Variants in THRB observed in about 807,000 individuals in gnomAD.
The protein encoded by THRB is thyroid hormone receptor beta, also known as nuclear receptor subfamily 1 group A member 2.
Under a neutral mutation model 47.8 loss-of-function variants are expected in THRB, and 12 were observed. That is an observed-to-expected ratio of 0.25 (90% CI 0.16 to 0.41). The LOEUF (loss-of-function observed/expected upper bound fraction) is 0.41. THRB is among the 10% of genes least tolerant of loss of function. The pLI, the probability that THRB is intolerant of heterozygous loss-of-function variation, is 1.00. For missense variants in THRB, 348 were observed against 589.2 expected (o/e 0.59, Z 4.24); for synonymous variants, 218 against 212.2 (o/e 1.03, Z -0.24).
chr3:24,232,955 C>A (rs1003136309), intron 3 of THRB, among the ~76,000 whole-genome samples: 3 of 152,140 alleles, frequency 2.0e-5, no homozygotes, highest in Non-Finnish European at 4.4e-5. Flanking sequence ...TGGGAAGGAA[C>A]AGCTAAAAAT....
chr3:24,279,561 A>ATTTTT (rs35249696), intron 3 of THRB, among the ~76,000 whole-genome samples: 1 of 141,102 alleles, frequency 7.1e-6, no homozygotes, highest in Non-Finnish European at 1.5e-5. Flanking sequence ...ATTTTTTTGT[A>ATTTTT]TTTTTTTTTT....
intron 1 of THRB, among the ~76,000 whole-genome samples, chr3:24,349,301 C>A (rs1283596949): frequency 1.3e-5 from 2 of 151,886 alleles, no homozygotes; most frequent in East Asian, 3.9e-4. Context: ...ATACAGTAAT[C>A]CCTATCAAAA....
At chr3:24,261,368 A>G (rs2051977371) in intron 3 of THRB, among the ~76,000 whole-genome samples, 1 of 151,904 alleles carries the variant, frequency 6.6e-6, no homozygotes, top group Non-Finnish European at 1.5e-5. Flanking sequence ...GCGTGGTGGC[A>G]CGCACCTGTA....
chr3:24,280,508 G>T (rs1576509038), intron 3 of THRB, among the ~76,000 whole-genome samples: 3 of 152,170 alleles, frequency 2.0e-5, no homozygotes, highest in Non-Finnish European at 4.4e-5. Flanking sequence ...AGAAAAACTG[G>T]AAACTCTAAA....
chr3:24,343,903 A>G (rs1264766666), intron 1 of THRB, among the ~76,000 whole-genome samples: 2 of 147,716 alleles, frequency 1.4e-5, no homozygotes, highest in Non-Finnish European at 1.5e-5. Context: ...ACTGATATAT[A>G]TATATTTATT....
intron 8 of THRB, among the ~76,000 whole-genome samples, chr3:24,135,376 T>C (rs1246589461): frequency 2.0e-5 from 3 of 152,212 alleles, no homozygotes; most frequent in African/African-American, 7.2e-5. Context: ...ATTTAACTTT[T>C]TTTGACCATC....
intron 1 of THRB, among the ~76,000 whole-genome samples, chr3:24,469,679 A>G (rs558676543): frequency 6.6e-6 from 1 of 152,376 alleles, no homozygotes; most frequent in East Asian, 1.9e-4. Context: ...TAAGAAAACC[A>G]GGCAAGAAAT....
At chr3:24,357,361 A>AC (rs1176664008) in intron 1 of THRB, among the ~76,000 whole-genome samples, 20 of 146,556 alleles carry the variant, frequency 1.4e-4, no homozygotes, top group Admixed American at 2.0e-4. Context: ...AAAAAAAAAA[A>AC]AAAAAAAAAA....
In THRB at chr3:24,209,511, T is replaced by A. The variant is rs180943384; in HGVS notation, c.23-19177A>T. ...CTATGCAGCCATAAAAAAGGATAAGTTCATGTCCTTTGTAGGGACATGGAT... is the reference window on the plus strand; with the variant it reads ...CTATGCAGCCATAAAAAAGGATAAGATCATGTCCTTTGTAGGGACATGGAT... On this transcript the variant is annotated intron_variant, in intron 4 of 10. Coordinates refer to ENST00000646209, the MANE Select transcript of THRB (RefSeq NM_001354712.2). Among the ~76,000 whole-genome samples the A allele has an allele frequency of 5.1e-4, 77 of 152,264 alleles. 1 individual carries two copies. Among genetic ancestry groups the A allele is most frequent in the African/African-American group, 1.7e-3 (71 of 41,544 alleles).
intron 1 of THRB, among the ~76,000 whole-genome samples, chr3:24,432,597 T>G (rs1245915793): frequency 1.3e-5 from 2 of 152,114 alleles, no homozygotes; most frequent in African/African-American, 2.4e-5. Flanking sequence ...GTGTTGAAAA[T>G]CCACTTCACA....
chr3:24,422,646 G>A (rs78741166), intron 1 of THRB, among the ~76,000 whole-genome samples: 1 of 151,966 alleles, frequency 6.6e-6, no homozygotes, highest in South Asian at 2.1e-4. Flanking sequence ...TTCAGCTGCT[G>A]CTGAAGATTC....
chr3:24,297,251 C>A lies in THRB; in HGVS notation c.-68G>T, dbSNP rs1185868023. On this transcript the variant is annotated 5_prime_UTR_variant, in exon 3 of 11. Transcript: ENST00000646209. ...CTTACTTCCAACAGTCTACTGCTAA[C>A]CTCTTTGAATAACAGGCTTTCAGTC... 6.6e-6 allele frequency: 1 copy of A among 152,232 alleles called. No individual in the cohort carries two copies. The highest frequency in any genetic ancestry group is 1.5e-5 in the Non-Finnish European group (1 of 68,042). The allele number at this position is 152,232 out of a possible 1,614,324, so 9.4% of individuals were successfully genotyped here.
At chr3:24,283,498 G>A (rs2054863352) in intron 3 of THRB, among the ~76,000 whole-genome samples, 1 of 151,380 alleles carries the variant, frequency 6.6e-6, no homozygotes, top group Non-Finnish European at 1.5e-5. Flanking sequence ...GCAAAAACTG[G>A]AAGCATTCCC....
intron 1 of THRB, among the ~76,000 whole-genome samples, chr3:24,448,086 T>C (rs1245080953): frequency 1.3e-5 from 2 of 152,050 alleles, no homozygotes; most frequent in Non-Finnish European, 2.9e-5. Flanking sequence ...TATGATACAG[T>C]TGGGTGACAA....
intron 1 of THRB, among the ~76,000 whole-genome samples, chr3:24,492,757 A>T (rs1698355063): frequency 6.6e-6 from 1 of 152,258 alleles, no homozygotes; most frequent in African/African-American, 2.4e-5. Context: ...CTGAAAGGAG[A>T]TACATGGAAT....
At chr3:24,281,195 G>A (rs1326106944) in intron 3 of THRB, among the ~76,000 whole-genome samples, 1 of 152,062 alleles carries the variant, frequency 6.6e-6, no homozygotes, top group Admixed American at 6.6e-5. Flanking sequence ...GACAAAGGTC[G>A]GGTTACCCTC....
Position 24,342,059 on chromosome 3 carries a change from C to G in THRB, c.-260-4688G>C, listed in dbSNP as rs137971930. 4.1e-3 allele frequency among the ~76,000 whole-genome samples: 620 copies of G among 151,200 alleles called. 1 individual carries two copies. The highest frequency in any genetic ancestry group is 6.8e-3 in the Non-Finnish European group (462 of 67,960). On this transcript the variant is annotated intron_variant, in intron 1 of 10. Transcript: ENST00000646209. The stretch of plus-strand genomic sequence containing the variant: ...GCTACTGAATGCTAATCATTTCAAA[C>G]TATGTTTTGTGGTAATTTGTTACTA...
chr3:24,409,082 A>G (rs1011628282), intron 1 of THRB, among the ~76,000 whole-genome samples: 1 of 151,836 alleles, frequency 6.6e-6, no homozygotes, highest in African/African-American at 2.4e-5. Flanking sequence ...ATAGTCTTCT[A>G]AAGGAAGTGG....
intron 1 of THRB, among the ~76,000 whole-genome samples, chr3:24,344,244 A>T (rs540744285): frequency 1.3e-5 from 2 of 152,216 alleles, no homozygotes; most frequent in African/African-American, 4.8e-5. Context: ...GTAGGTGTAT[A>T]GTATTGCCAA....
Sources: gnomAD v4.1 joint callset for allele counts (sites outside exome capture counted in the v4.1 genomes callset) on GRCh38, gnomAD v4.1.1 for gene constraint, MANE v1.5 for transcripts, NCBI Gene and HGNC (gene_info 2026-07-23, HGNC 2026-07-21) for gene names.